PIBF1: variants seen among roughly 807,000 people sequenced by gnomAD.
PIBF1 encodes the protein progesterone-induced-blocking factor 1.
A neutral mutation model predicts 112.5 loss-of-function variants in PIBF1; 90 were observed. That is an observed-to-expected ratio of 0.80 (90% CI 0.67 to 0.95). PIBF1 has a LOEUF of 0.95. PIBF1 is among the 40% of genes least tolerant of loss of function. PIBF1 has a pLI of 0.00. For missense variants in PIBF1, 915 were observed against 852.3 expected, an observed-to-expected ratio of 1.07 and a Z score of -0.92; for synonymous variants, 301 against 288.6, an observed-to-expected ratio of 1.04 and a Z score of -0.44.
At chr13:73,002,307 C>G (rs578244581) in intron 17 of PIBF1, among the ~76,000 whole-genome samples, 1 of 152,278 alleles carries the variant, frequency 6.6e-6, no homozygotes, top group African/African-American at 2.4e-5. Context: ...ATGAAAGCTT[C>G]ACCTCCCATG....
intron 1 of PIBF1, among the ~76,000 whole-genome samples, 181 bp from the exon 2 acceptor site, chr13:72,783,242 A>G (rs905384354): frequency 8.5e-5 from 13 of 152,152 alleles, no homozygotes. Context: ...GGCTGACTTC[A>G]TATTAGGAAT....
At chr13:72,846,139 TTAA>T (rs1157476515) in intron 9 of PIBF1, among the ~76,000 whole-genome samples, 2 of 152,168 alleles carry the variant, frequency 1.3e-5, no homozygotes, top group South Asian at 2.1e-4. Context: ...TGGTTATCTA[TTAA>T]TAATATTTAT....
chr13:72,998,636 G>C (rs963122325), intron 16 of PIBF1, among the ~76,000 whole-genome samples, 186 bp from the exon 17 acceptor site: 9 of 152,122 alleles, frequency 5.9e-5, no homozygotes, highest in Non-Finnish European at 1.2e-4. Context: ...GTAATTGTCA[G>C]TTATATTAAA....
At chr13:72,992,370 T>G (rs2139006431) in intron 16 of PIBF1, among the ~76,000 whole-genome samples, 1 of 152,358 alleles carries the variant, frequency 6.6e-6, no homozygotes, top group African/African-American at 2.4e-5. Flanking sequence ...CTGCCAGGCC[T>G]AGGCTAGAAC....
chr13:72,799,539 G>C (rs1325717670), intron 5 of PIBF1, among the ~76,000 whole-genome samples: 1 of 152,026 alleles, frequency 6.6e-6, no homozygotes, highest in African/African-American at 2.4e-5. Flanking sequence ...CAGGTAAACT[G>C]TTTTGCACAT....
chr13:72,922,834 T>G (rs532417364), intron 13 of PIBF1, among the ~76,000 whole-genome samples: 2 of 152,348 alleles, frequency 1.3e-5, no homozygotes, highest in East Asian at 3.9e-4. Context: ...GTTGCTGCTT[T>G]TCTATTCATG....
chr13:72,832,761 C>T (rs1279468978), intron 8 of PIBF1, among the ~76,000 whole-genome samples: 1 of 152,148 alleles, frequency 6.6e-6, no homozygotes, highest in Admixed American at 6.5e-5. Context: ...TGTTGCTCTT[C>T]TCAACAAGTA....
At chr13:72,824,371 G>A (rs1339708709) in intron 6 of PIBF1, among the ~76,000 whole-genome samples, 1 of 152,012 alleles carries the variant, frequency 6.6e-6, no homozygotes, top group Non-Finnish European at 1.5e-5. Context: ...TGGATGAGGT[G>A]CCAACTGGCT....
At chr13:73,001,938 G>T (rs2043883595) in intron 17 of PIBF1, among the ~76,000 whole-genome samples, 1 of 151,796 alleles carries the variant, frequency 6.6e-6, no homozygotes, top group Admixed American at 6.6e-5. Flanking sequence ...TTTTTAATGT[G>T]CTTTTTTATA....
At chr13:72,873,401 G>A (rs1479671166) in intron 10 of PIBF1, among the ~76,000 whole-genome samples, 1 of 151,960 alleles carries the variant, frequency 6.6e-6, no homozygotes, top group East Asian at 1.9e-4. Flanking sequence ...AGAAAAACTT[G>A]TTTTCTTTTT....
intron 14 of PIBF1, among the ~76,000 whole-genome samples, chr13:72,949,346 C>G (rs373514408): frequency 2.9e-5 from 3 of 104,484 alleles, no homozygotes; most frequent in Non-Finnish European, 5.3e-5. Flanking sequence ...GACAGAGTCT[C>G]GCTCTGTCAG....
At chr13:72,984,616 C>G (rs2043230120) in intron 16 of PIBF1, among the ~76,000 whole-genome samples, 2 of 152,110 alleles carry the variant, frequency 1.3e-5, no homozygotes, top group African/African-American at 2.4e-5. Flanking sequence ...AATGTTAATT[C>G]TCCTCAGTTT....
At chr13:72,864,430 G>A (rs1387364678) in intron 10 of PIBF1, among the ~76,000 whole-genome samples, 1 of 152,162 alleles carries the variant, frequency 6.6e-6, no homozygotes, top group Non-Finnish European at 1.5e-5. Context: ...TGTGGATGAA[G>A]GAAACATTAT....
chr13:72,861,715 G>T (rs1182832173), intron 10 of PIBF1, among the ~76,000 whole-genome samples: 13 of 152,116 alleles, frequency 8.5e-5, no homozygotes, highest in Non-Finnish European at 1.9e-4. Context: ...ACAGGTGTGT[G>T]CCACCACACC....
chr13:72,784,118 T>G (rs79453319), intron 2 of PIBF1, among the ~76,000 whole-genome samples: 3,272 of 151,458 alleles, frequency 0.022, 135 homozygotes, highest in African/African-American at 0.076. Context: ...TAAAACATTT[T>G]TTAATTAGCT....
chr13:72,826,507 T>G (rs1282701943), intron 6 of PIBF1, among the ~76,000 whole-genome samples: 1 of 152,196 alleles, frequency 6.6e-6, no homozygotes, highest in African/African-American at 2.4e-5. Context: ...GGTATAACTT[T>G]TTTGGGGAAC....
chr13:72,979,636 A>C (rs74930540), intron 16 of PIBF1, among the ~76,000 whole-genome samples: 15,663 of 152,186 alleles, frequency 0.1, 1,098 homozygotes, highest in Non-Finnish European at 0.15. Flanking sequence ...TTTAAGAAGC[A>C]TAATTGGCCG....
chr13:72,879,351 A>G (rs143000409), intron 10 of PIBF1, among the ~76,000 whole-genome samples: 96 of 151,382 alleles, frequency 6.3e-4, no homozygotes, highest in Admixed American at 1.6e-3. Context: ...GAGATCTACA[A>G]TCCTCCCAAC....
At chr13:72,802,963 G>A (rs1005282884) in intron 5 of PIBF1, among the ~76,000 whole-genome samples, 6 of 152,178 alleles carry the variant, frequency 3.9e-5, no homozygotes, top group Non-Finnish European at 8.8e-5. Context: ...TCAAGGAAAA[G>A]AGAGTGATCA....
Sources: gnomAD v4.1 joint callset for allele counts (sites outside exome capture counted in the v4.1 genomes callset) on GRCh38, gnomAD v4.1.1 for gene constraint, MANE v1.5 for transcripts, NCBI Gene and HGNC (gene_info 2026-07-23, HGNC 2026-07-21) for gene names.